PRMT3: variants seen among roughly 807,000 people sequenced by gnomAD.
PRMT3 encodes the protein protein arginine methyltransferase 3.
A neutral mutation model predicts 71.9 loss-of-function variants in PRMT3; 62 were observed. The observed-to-expected ratio is 0.86, with a 90% CI of 0.70 to 1.07. The LOEUF is 1.07. Ranked by LOEUF, PRMT3 falls within the 50% of genes least tolerant of loss-of-function variation. The pLI is 0.00. For synonymous variants in PRMT3, 213 were observed against 220.4 expected (o/e 0.97, Z 0.30); for missense variants, 663 against 643.0 (o/e 1.03, Z -0.34).
chr11:20,492,526 C>T (rs1851231558), intron 13 of PRMT3, among the ~76,000 whole-genome samples: 1 of 152,044 alleles, frequency 6.6e-6, no homozygotes. Context: ...ATTAACCCTA[C>T]CAGATCAATA....
intron 10 of PRMT3, among the ~76,000 whole-genome samples, chr11:20,451,428 TAGG>T (rs1297422126): frequency 6.6e-6 from 1 of 152,076 alleles, no homozygotes; most frequent in Non-Finnish European, 1.5e-5. Flanking sequence ...GAATCTCTAA[TAGG>T]AGGATATGGC....
At chr11:20,448,485 CTT>C (rs1184723203) in intron 10 of PRMT3, among the ~76,000 whole-genome samples, 1 of 152,004 alleles carries the variant, frequency 6.6e-6, no homozygotes, top group African/African-American at 2.4e-5. Flanking sequence ...TGCAGGTAAT[CTT>C]TAAGTATTTC....
chr11:20,467,263 C>T (rs1175710696), intron 13 of PRMT3, among the ~76,000 whole-genome samples: 8 of 152,244 alleles, frequency 5.3e-5, no homozygotes, highest in South Asian at 4.1e-4. Context: ...CATCAACAGT[C>T]GTTGAACACT....
chr11:20,399,170 A>G (rs1034249998), intron 7 of PRMT3, among the ~76,000 whole-genome samples: 2 of 152,218 alleles, frequency 1.3e-5, no homozygotes, highest in Non-Finnish European at 2.9e-5. Context: ...ACCAACAAAC[A>G]AAATATCCCT....
At chr11:20,433,356 C>G (rs1205733015) in intron 10 of PRMT3, among the ~76,000 whole-genome samples, 2 of 152,066 alleles carry the variant, frequency 1.3e-5, no homozygotes, top group Middle Eastern at 3.2e-3. Flanking sequence ...GCCTCCAGCT[C>G]CATCCATGTT....
chr11:20,505,603 C>T (rs955760716), intron 15 of PRMT3, among the ~76,000 whole-genome samples: 4 of 152,068 alleles, frequency 2.6e-5, no homozygotes, highest in African/African-American at 4.8e-5. Context: ...TGTGGCTGTT[C>T]GTTCCCAGTT....
intron 11 of PRMT3, among the ~76,000 whole-genome samples, chr11:20,458,057 A>T (rs1349464375): frequency 1.3e-5 from 2 of 152,206 alleles, no homozygotes; most frequent in African/African-American, 2.4e-5. Context: ...TAAACTAGAA[A>T]TTAATTTTTA....
intron 13 of PRMT3, among the ~76,000 whole-genome samples, chr11:20,476,761 T>TTTATC (rs1485193639): frequency 2.0e-5 from 3 of 151,846 alleles, no homozygotes; most frequent in Admixed American, 6.6e-5. Context: ...TAGAGTTTTT[T>TTTATC]TATCTCTTTA....
chr11:20,474,870 G>A (rs1482092697), intron 13 of PRMT3, among the ~76,000 whole-genome samples: 2 of 152,200 alleles, frequency 1.3e-5, no homozygotes, highest in African/African-American at 4.8e-5. Context: ...TTTCTACTAT[G>A]TCTTGTTTCC....
intron 13 of PRMT3, among the ~76,000 whole-genome samples, chr11:20,487,525 T>TCGTTAGAGGCATAGGTG (rs1851104068): frequency 6.6e-6 from 1 of 152,132 alleles, no homozygotes; most frequent in Non-Finnish European, 1.5e-5. Flanking sequence ...TTAGGATAGG[T>TCGTTAGAGGCATAGGTG]CGTTAGAGGC....
At chr11:20,420,664 C>T (rs1396153209) in intron 9 of PRMT3, among the ~76,000 whole-genome samples, 1 of 152,164 alleles carries the variant, frequency 6.6e-6, no homozygotes, top group Non-Finnish European at 1.5e-5. Flanking sequence ...ACCCCCAGGT[C>T]CATGGAAAGA....
chr11:20,507,051 C>T (rs570200281), intron 15 of PRMT3, among the ~76,000 whole-genome samples: 33 of 152,260 alleles, frequency 2.2e-4, no homozygotes, highest in African/African-American at 7.2e-4. Context: ...ATTTTCCCAG[C>T]TATAATTTTC....
At chr11:20,489,116 A>G (rs1327975752) in intron 13 of PRMT3, among the ~76,000 whole-genome samples, 1 of 152,100 alleles carries the variant, frequency 6.6e-6, no homozygotes, top group South Asian at 2.1e-4. Flanking sequence ...GTTTCCTTTC[A>G]TTCTGTTTTC....
chr11:20,398,983 A>G (rs924188941), intron 7 of PRMT3, among the ~76,000 whole-genome samples: 2 of 152,246 alleles, frequency 1.3e-5, no homozygotes, highest in African/African-American at 4.8e-5. Context: ...ATTTCTAGCT[A>G]TACTTGATAA....
At chr11:20,396,404 C>T (rs1038582885) in intron 6 of PRMT3, among the ~76,000 whole-genome samples, 2 of 151,932 alleles carry the variant, frequency 1.3e-5, no homozygotes, top group Admixed American at 6.6e-5. Flanking sequence ...TTTGGGAGGC[C>T]GAGGCAGGAG....
In PRMT3 at chr11:20,406,297, C is replaced by G. The variant is rs377360272; in HGVS notation, c.772-1614C>G. On this transcript the variant is annotated intron_variant, in intron 8 of 15. Coordinates refer to ENST00000331079, the MANE Select transcript of PRMT3 (RefSeq NM_005788.4). ...TAGAACCGTGACAAGAGAAAGAAGA[C>G]TTCATGTTCAGTACAGAAGCAATTT... is the stretch of plus-strand genomic sequence containing the variant. The G allele has an allele frequency of 1.6e-3, 250 of 152,308 alleles. 1 individual carries two copies. Among genetic ancestry groups the G allele is most frequent in the African/African-American group, 5.7e-3 (237 of 41,570 alleles). 9.4% of individuals were successfully genotyped at this position (152,308 alleles called of 1,614,324 possible).
At chr11:20,492,972 G>A (rs2133452157) in intron 13 of PRMT3, among the ~76,000 whole-genome samples, 1 of 152,112 alleles carries the variant, frequency 6.6e-6, no homozygotes, top group Non-Finnish European at 1.5e-5. Flanking sequence ...CCAACACGGT[G>A]AAACCCCGTC....
chr11:20,448,273 G>A (rs546204714), intron 10 of PRMT3, among the ~76,000 whole-genome samples: 19 of 152,160 alleles, frequency 1.2e-4, no homozygotes, highest in Admixed American at 3.3e-4. Context: ...GCTGGCAAAC[G>A]AATCTGTATG....
intron 13 of PRMT3, among the ~76,000 whole-genome samples, chr11:20,468,372 GTTTGTTTGT>G (rs1850561438): frequency 1.3e-5 from 2 of 152,176 alleles, no homozygotes; most frequent in East Asian, 3.9e-4. Context: ...TTGTTTGTTT[GTTTGTTTGT>G]TTTGAGACAG....
Sources: allele counts gnomAD v4.1 joint callset (sites outside exome capture counted in the v4.1 genomes callset), GRCh38; gene constraint gnomAD v4.1.1; transcripts MANE v1.5; gene names NCBI Gene and HGNC (gene_info 2026-07-23, HGNC 2026-07-21).